The following PCMT1 variants were observed in gnomAD, a reference collection of about 807,000 sequenced individuals.
PCMT1 encodes the protein protein-L-isoaspartate(D-aspartate) O-methyltransferase.
Under a neutral mutation model 29.2 loss-of-function variants are expected in PCMT1, and 9 were observed. The observed-to-expected ratio is 0.31, with a 90% CI of 0.19 to 0.54. PCMT1 has a LOEUF of 0.54. Among genes scored for constraint, PCMT1 ranks in the 20% least tolerant of loss-of-function variants. PCMT1 has a pLI of 0.95. For synonymous variants in PCMT1, 98 were observed against 97.5 expected, an observed-to-expected ratio of 1.00 and a Z score of -0.03; for missense variants, 184 against 282.2, an observed-to-expected ratio of 0.65 and a Z score of 2.49.
At chr6:149,788,302 A>AT (rs1425329248) in intron 3 of PCMT1, among the ~76,000 whole-genome samples, 1 of 152,230 alleles carries the variant, frequency 6.6e-6, no homozygotes, top group Non-Finnish European at 1.5e-5. Flanking sequence ...ATATAACACT[A>AT]TTAGCCAATT....
intron 1 of PCMT1, among the ~76,000 whole-genome samples, chr6:149,769,053 TTAGAG>T (rs1787204203): frequency 6.6e-6 from 1 of 152,346 alleles, no homozygotes; most frequent in South Asian, 2.1e-4. Context: ...GCACATTTTC[TTAGAG>T]TATAGTTTTA....
intron 1 of PCMT1, chr6:149,765,699 G>T (rs774737947): frequency 8.4e-6 from 3 of 355,086 alleles, no homozygotes; most frequent in South Asian, 2.1e-5. Flanking sequence ...AGGCATGATG[G>T]CTCATACCTG....
rs1583068761 is a variant in PCMT1 at position 149,810,845 on chromosome 6, T to C, written c.*267T>C. On this transcript the variant is annotated 3_prime_UTR_variant, in exon 8 of 8. Coordinates refer to ENST00000464889, the MANE Select transcript of PCMT1 (RefSeq NM_001360452.2). ...ATGCAAAGTATAAATTTGTGTAATA[T>C]TACTTTAACATGCCCATATTTTACT... The C allele has an allele frequency of 2.3e-6, 1 of 429,454 alleles. No individual in the cohort carries two copies. Among genetic ancestry groups the C allele is most frequent in the Non-Finnish European group, 4.1e-6 (1 of 242,310 alleles). The allele number at this position is 429,454 out of a possible 1,614,324, so 26.6% of individuals were successfully genotyped here.
At chr6:149,770,439 G>GT (rs1021919482) in intron 1 of PCMT1, among the ~76,000 whole-genome samples, 2 of 152,126 alleles carry the variant, frequency 1.3e-5, no homozygotes, top group African/African-American at 4.8e-5. Flanking sequence ...GCTGGGCACG[G>GT]TGGCTCACAC....
chr6:149,765,192 C>T (rs1486452164), intron 1 of PCMT1, among the ~76,000 whole-genome samples: 4 of 150,516 alleles, frequency 2.7e-5, no homozygotes, highest in African/African-American at 9.7e-5. Context: ...AACCCCGTCT[C>T]TACTAAAAAT....
At chr6:149,805,748 C>T (rs557359173) in intron 7 of PCMT1, among the ~76,000 whole-genome samples, 78 of 150,904 alleles carry the variant, frequency 5.2e-4, no homozygotes, top group African/African-American at 1.8e-3. Context: ...CCATCCTGGC[C>T]AACATGGTGA....
chr6:149,806,547 G>C (rs1054401768), intron 7 of PCMT1, among the ~76,000 whole-genome samples: 1 of 152,068 alleles, frequency 6.6e-6, no homozygotes, highest in Non-Finnish European at 1.5e-5. Context: ...GCCAGGCTAC[G>C]TGATTTCTGT....
At position 149,771,313 on chromosome 6, in the gene PCMT1, T is replaced by A. The variant is rs541458563; in HGVS notation, c.160+47T>A. 29 of 1,207,640 alleles carry A rather than the reference T, an allele frequency of 2.4e-5. 1 individual carries two copies. The highest frequency in any genetic ancestry group is 2.2e-4 in the South Asian group (17 of 76,028). 74.8% of individuals were successfully genotyped at this position (1,207,640 alleles called of 1,614,324 possible). On this transcript the variant is annotated intron_variant, in intron 2 of 7. Transcript: ENST00000464889. ...ATATCATAGTTTTCATCATTTACTT[T>A]ATGATTTTTGGAAGTAGAAAAAGCC... is the stretch of plus-strand genomic sequence containing the variant.
intron 3 of PCMT1, among the ~76,000 whole-genome samples, chr6:149,775,544 A>G (rs1260505717): frequency 6.6e-6 from 1 of 152,038 alleles, no homozygotes; most frequent in Non-Finnish European, 1.5e-5. Context: ...TGTCTCTACA[A>G]AAAATTTTAA....
chr6:149,773,036 G>GA lies in PCMT1; in HGVS notation c.161-100dup, dbSNP rs996360456. The GA allele has an allele frequency of 5.4e-6, 3 of 552,968 alleles. No homozygotes were observed. The African/African-American group carries it at 6.4e-5, about 12-fold the overall frequency. 34.3% of individuals were successfully genotyped at this position (552,968 alleles called of 1,614,324 possible). On this transcript the variant is annotated intron_variant, in intron 2 of 7. Coordinates refer to ENST00000464889, the MANE Select transcript of PCMT1 (RefSeq NM_001360452.2). ...TCTCAGAAAAAAAAAAAAAAAAAAA[G>GA]AATTATTGTGAAAAATAACGTATGG...
At chr6:149,791,029 T>C (rs1434798169) in intron 4 of PCMT1, among the ~76,000 whole-genome samples, 2 of 151,176 alleles carry the variant, frequency 1.3e-5, no homozygotes, top group African/African-American at 4.9e-5. Context: ...GTGTGGGGGG[T>C]GGGCTTAGCA....
intron 7 of PCMT1, among the ~76,000 whole-genome samples, chr6:149,805,432 A>G (rs925953939): frequency 2.0e-5 from 3 of 150,792 alleles, no homozygotes; most frequent in Non-Finnish European, 4.4e-5. Flanking sequence ...TCTCTCCTAA[A>G]AATACAAAAA....
chr6:149,801,175 T>C (rs1775816530), intron 6 of PCMT1, among the ~76,000 whole-genome samples: 2 of 152,258 alleles, frequency 1.3e-5, no homozygotes, highest in South Asian at 2.1e-4. Flanking sequence ...TATTTACATA[T>C]ACATAATGAG....
intron 7 of PCMT1, among the ~76,000 whole-genome samples, chr6:149,806,277 C>T (rs1048395935): frequency 1.3e-5 from 2 of 152,040 alleles, no homozygotes; most frequent in African/African-American, 2.4e-5. Context: ...TGTTCAGACT[C>T]GCGGTAGGGA....
chr6:149,763,215 CTA>C lies in PCMT1; in HGVS notation c.56-7945_56-7944del, dbSNP rs1342863884. ...TCTATGATATATATATCTATGATATCTATGATATAAATATCTATGATATCTAT... is the reference window on the plus strand; with the variant it reads ...TCTATGATATATATATCTATGATATCTGATATAAATATCTATGATATCTAT... On this transcript the variant is annotated intron_variant, in intron 1 of 7. Coordinates refer to ENST00000464889, the MANE Select transcript of PCMT1 (RefSeq NM_001360452.2). 2.8e-4 allele frequency among the ~76,000 whole-genome samples: 29 copies of C among 102,000 alleles called. 8 individuals are homozygous for C. Among genetic ancestry groups the C allele is most frequent in the Non-Finnish European group, 4.7e-4 (27 of 57,774 alleles). 66.9% of individuals were successfully genotyped at this position (102,000 alleles called of 152,430 possible). A position where few individuals can be genotyped will look rare whatever the true frequency, so the allele number is the denominator to read the frequency against.
At chr6:149,750,892 A>C (rs12528279) in intron 1 of PCMT1, among the ~76,000 whole-genome samples, 66,584 of 152,050 alleles carry the variant, frequency 0.44, 15,616 homozygotes, top group East Asian at 0.81. Flanking sequence ...TTATAGCATT[A>C]TTCGCTACTA....
intron 3 of PCMT1, among the ~76,000 whole-genome samples, chr6:149,776,538 G>T (rs552311415): frequency 2.0e-5 from 3 of 151,914 alleles, no homozygotes; most frequent in Admixed American, 2.0e-4. Context: ...TGGCCTCCCA[G>T]AGTGCTGGGA....
intron 3 of PCMT1, among the ~76,000 whole-genome samples, chr6:149,777,838 CTCCT>C (rs57578249): frequency 0.49 from 68,350 of 139,222 alleles, 18,388 homozygotes; most frequent in East Asian, 0.83. Flanking sequence ...CTTTCTTTTT[CTCCT>C]TCCTTCCTTC....
At chr6:149,809,894 C>T (rs538662215) in intron 7 of PCMT1, 8 of 152,134 alleles carry the variant, frequency 5.3e-5, no homozygotes, top group Non-Finnish European at 1.0e-4. Context: ...GTTTTTGTCA[C>T]TCACATTACC....
Sources: allele counts gnomAD v4.1 joint callset (sites outside exome capture counted in the v4.1 genomes callset), GRCh38; gene constraint gnomAD v4.1.1; transcripts MANE v1.5; gene names NCBI Gene and HGNC (gene_info 2026-07-23, HGNC 2026-07-21).